The following ANAPC7 variants were observed in gnomAD, a reference collection of about 807,000 sequenced individuals.
ANAPC7 encodes the protein anaphase promoting complex subunit 7, also known as anaphase-promoting complex subunit 7.
ANAPC7 carries 25 observed loss-of-function variants against 63.3 expected under a neutral mutation model. That is an observed-to-expected ratio of 0.39 (90% CI 0.29 to 0.55). ANAPC7 has a LOEUF of 0.55. Ranked by LOEUF, ANAPC7 falls within the 20% of genes least tolerant of loss-of-function variation. ANAPC7 has a pLI of 0.57. For missense variants in ANAPC7, 516 were observed against 691.7 expected (o/e 0.75, Z 2.85); for synonymous variants, 241 against 251.7 (o/e 0.96, Z 0.40).
intron 6 of ANAPC7, among the ~76,000 whole-genome samples, chr12:110,386,064 C>A (rs1000662324): frequency 6.6e-6 from 1 of 152,104 alleles, no homozygotes; most frequent in African/African-American, 2.4e-5. Context: ...TAAGGAGGAG[C>A]TATGACCCCC....
At position 110,386,435 on chromosome 12, in the gene ANAPC7, C is replaced by T. The variant is rs370764449; in HGVS notation, c.709G>A (p.Val237Met). 12 of 1,613,350 alleles carry T rather than the reference C, an allele frequency of 7.4e-6. No homozygotes were observed. The highest frequency in any genetic ancestry group is 5.3e-5 in the African/African-American group (4 of 75,014). Residue 237 changes from valine (V) to methionine (M), a missense_variant, in exon 6 of 11, where the codon GTG (valine) becomes ATG (methionine). Physicochemically the swap from Val to Met is conservative, Grantham distance 21. Coordinates refer to ENST00000455511, the MANE Select transcript of ANAPC7 (RefSeq NM_016238.3). Reference sequence around the variant, plus strand: ...TCTGCCAAGCTTCCCAATAGGTCCACGTTATCTCGCAATAAGGATTTTTTC... The same window carrying T: ...TCTGCCAAGCTTCCCAATAGGTCCATGTTATCTCGCAATAAGGATTTTTTC... ...LEKKSLLRDN[V>M]DLLGSLADLY...
chr12:110,398,385 C>A (rs1423038610), intron 1 of ANAPC7, among the ~76,000 whole-genome samples: 1 of 151,816 alleles, frequency 6.6e-6, no homozygotes, highest in African/African-American at 2.4e-5. Flanking sequence ...CATTTGTACA[C>A]CAGCCTGGGC....
At chr12:110,382,461 A>AAAATATATATATAT (rs1555289541) in intron 7 of ANAPC7, among the ~76,000 whole-genome samples, 1 of 30,844 alleles carries the variant, frequency 3.2e-5, no homozygotes, top group Non-Finnish European at 6.1e-5. Context: ...AAAAAAAAAA[A>AAAATATATATATAT]ATATATATAT....
At chr12:110,387,408 AGAG>A (rs1882694517) in intron 5 of ANAPC7, 2 of 138,840 alleles carry the variant, frequency 1.4e-5, no homozygotes, top group Non-Finnish European at 2.9e-5. Context: ...AGAGAGAGAG[AGAG>A]AGAGAGAGAG....
chr12:110,382,453 AAAAAAAAAATATAT>A (rs1360076797), intron 7 of ANAPC7, among the ~76,000 whole-genome samples: 19 of 71,838 alleles, frequency 2.6e-4, no homozygotes, highest in African/African-American at 7.7e-4. Flanking sequence ...AAAAAAAAAA[AAAAAAAAAATATAT>A]ATATATATAT....
chr12:110,382,461 A>AAAATATAT (rs1555289541), intron 7 of ANAPC7, among the ~76,000 whole-genome samples: 29 of 30,834 alleles, frequency 9.4e-4, no homozygotes, highest in Admixed American at 2.1e-3. Flanking sequence ...AAAAAAAAAA[A>AAAATATAT]ATATATATAT....
intron 1 of ANAPC7, among the ~76,000 whole-genome samples, chr12:110,397,510 G>A (rs1222954494): frequency 5.4e-5 from 8 of 148,742 alleles, no homozygotes; most frequent in African/African-American, 1.3e-4. Flanking sequence ...CCGAGATCGC[G>A]CCACTGCACT....
At chr12:110,402,018 T>TA (rs925716961) in intron 1 of ANAPC7, among the ~76,000 whole-genome samples, 19 of 106,254 alleles carry the variant, frequency 1.8e-4, no homozygotes, top group African/African-American at 6.9e-4. Context: ...TCTACTAAAA[T>TA]AACAAAAATT....
intron 8 of ANAPC7, chr12:110,377,994 A>G: frequency 3.4e-6 from 1 of 298,234 alleles, no homozygotes; most frequent in Non-Finnish European, 5.8e-6. Flanking sequence ...TCCCAACAAA[A>G]CCCAAGGTTT....
At chr12:110,395,050 G>T (rs1883451717) in intron 3 of ANAPC7, 51 bp downstream of exon 3, 1 of 1,573,764 alleles carries the variant, frequency 6.4e-7, no homozygotes, top group African/African-American at 1.4e-5. Context: ...ATGGAGAGAG[G>T]GAGCAGGGTT....
intron 1 of ANAPC7, among the ~76,000 whole-genome samples, chr12:110,398,850 C>A (rs2062180403): frequency 6.6e-6 from 1 of 151,308 alleles, no homozygotes; most frequent in African/African-American, 2.4e-5. Context: ...GAGGCTGAGG[C>A]AGGAGAATCA....
chr12:110,403,168 G>GA (rs1010148755), intron 1 of ANAPC7, among the ~76,000 whole-genome samples: 19 of 152,086 alleles, frequency 1.2e-4, no homozygotes, highest in African/African-American at 4.3e-4. Context: ...TGCAGCGAGA[G>GA]AAAAAAACGT....
intron 3 of ANAPC7, among the ~76,000 whole-genome samples, chr12:110,393,861 C>T (rs1349608109): frequency 3.3e-4 from 38 of 116,602 alleles, no homozygotes; most frequent in Non-Finnish European, 6.0e-4. Context: ...GAGCGAAACT[C>T]CCTCTCAAAA....
chr12:110,378,310 TC>T (rs1318667431), intron 8 of ANAPC7, among the ~76,000 whole-genome samples: 1 of 152,190 alleles, frequency 6.6e-6, no homozygotes, highest in Non-Finnish European at 1.5e-5. Context: ...GTCAGGCTGC[TC>T]TCGAACTCCT....
intron 1 of ANAPC7, among the ~76,000 whole-genome samples, chr12:110,400,985 G>A (rs931229241): frequency 1.3e-5 from 2 of 152,194 alleles, no homozygotes; most frequent in African/African-American, 4.8e-5. Flanking sequence ...GGGAGGTGGA[G>A]GCTGTAGTCA....
At chr12:110,393,544 T>C (rs1883282981) in intron 3 of ANAPC7, among the ~76,000 whole-genome samples, 1 of 150,586 alleles carries the variant, frequency 6.6e-6, no homozygotes, top group Non-Finnish European at 1.5e-5. Flanking sequence ...CCTGGGCAAA[T>C]GGTGGAGACC....
At chr12:110,393,867 CAA>C (rs771757058) in intron 3 of ANAPC7, among the ~76,000 whole-genome samples, 42 of 37,344 alleles carry the variant, frequency 1.1e-3, no homozygotes, top group African/African-American at 2.9e-3. Flanking sequence ...AACTCCCTCT[CAA>C]AAAAAAAAAA....
chr12:110,402,883 G>A (rs1159561868), intron 1 of ANAPC7, among the ~76,000 whole-genome samples: 2 of 152,050 alleles, frequency 1.3e-5, no homozygotes, highest in Non-Finnish European at 2.9e-5. Context: ...CCGCAGGCAC[G>A]CACCATCACG....
intron 6 of ANAPC7, among the ~76,000 whole-genome samples, chr12:110,383,875 C>CAAAAAAAAAAAAAAAAAA (rs1159374781): frequency 3.1e-3 from 154 of 50,350 alleles, no homozygotes; most frequent in Non-Finnish European, 3.8e-3. Flanking sequence ...GACTCCGTCT[C>CAAAAAAAAAAAAAAAAAA]AAAAAAAAAA....
Sources: allele counts gnomAD v4.1 joint callset (sites outside exome capture counted in the v4.1 genomes callset), GRCh38; gene constraint gnomAD v4.1.1; transcripts MANE v1.5; gene names NCBI Gene and HGNC (gene_info 2026-07-23, HGNC 2026-07-21).